LSAMP: variants seen among roughly 807,000 people sequenced by gnomAD.
LSAMP encodes the protein limbic system associated membrane protein.
Under a neutral mutation model 38.6 loss-of-function variants are expected in LSAMP, and 7 were observed. The observed-to-expected ratio is 0.18, with a 90% confidence interval of 0.10 to 0.34. The LOEUF is 0.34. LSAMP is among the 10% of genes least tolerant of loss of function. The pLI is 1.00. For synonymous variants in LSAMP, 154 were observed against 166.8 expected, an observed-to-expected ratio of 0.92 and a Z score of 0.59; for missense variants, 313 against 420.0, an observed-to-expected ratio of 0.75 and a Z score of 2.23.
chr3:116,281,016 G>GGAAA (rs2047120233), intron 1 of LSAMP, among the ~76,000 whole-genome samples: 2 of 152,190 alleles, frequency 1.3e-5, no homozygotes, highest in South Asian at 4.1e-4. Context: ...GAGACAGGAA[G>GGAAA]GAAAGAGTGA....
At chr3:116,337,434 C>A (rs2047934520) in intron 1 of LSAMP, among the ~76,000 whole-genome samples, 1 of 151,946 alleles carries the variant, frequency 6.6e-6, no homozygotes, top group Non-Finnish European at 1.5e-5. Context: ...CCATCTAGTG[C>A]TAGGAAAATT....
chr3:116,280,131 TAC>T (rs1186148243), intron 1 of LSAMP, among the ~76,000 whole-genome samples: 1 of 152,196 alleles, frequency 6.6e-6, no homozygotes, highest in Non-Finnish European at 1.5e-5. Flanking sequence ...CAGAAACATT[TAC>T]ACCATGAAGA....
chr3:116,317,361 T>C (rs984819229), intron 1 of LSAMP, among the ~76,000 whole-genome samples: 9 of 150,874 alleles, frequency 6.0e-5, no homozygotes, highest in Non-Finnish European at 8.9e-5. Context: ...TCTTTCTTTT[T>C]TTTTTTTTTT....
At chr3:115,953,895 T>A (rs1938372624) in intron 3 of LSAMP, among the ~76,000 whole-genome samples, 1 of 152,186 alleles carries the variant, frequency 6.6e-6, no homozygotes, top group South Asian at 2.1e-4. Context: ...GTTCTTTCCC[T>A]GGTTGGTTGG....
Position 116,119,497 on chromosome 3 carries a change from A to G in LSAMP, c.156-32941T>C, listed in dbSNP as rs193025387. Among the ~76,000 whole-genome samples, 8 of 152,270 alleles carry G rather than the reference A, an allele frequency of 5.3e-5. No homozygotes were observed. In the East Asian group the frequency reaches 1.5e-3, roughly 29 times the overall value. On this transcript the variant is annotated intron_variant, in intron 1 of 6. Coordinates refer to ENST00000490035, the MANE Select transcript of LSAMP (RefSeq NM_002338.5). ...AAGAGAAAATTATCATAAGAAAGAT[A>G]AAATAAAACAAATACTGGGGTTAGT...
chr3:116,339,754 G>A (rs957333848), intron 1 of LSAMP, among the ~76,000 whole-genome samples: 6 of 152,000 alleles, frequency 3.9e-5, no homozygotes, highest in Non-Finnish European at 5.9e-5. Context: ...ACATGAAGAC[G>A]TCACTGTAAG....
chr3:116,323,302 T>C (rs905290633), intron 1 of LSAMP, among the ~76,000 whole-genome samples: 23 of 152,126 alleles, frequency 1.5e-4, no homozygotes, highest in African/African-American at 5.1e-4. Flanking sequence ...CATACCTTTT[T>C]TTTCCCCCAA....
At chr3:116,088,244 C>A (rs993457926) in intron 1 of LSAMP, among the ~76,000 whole-genome samples, 1 of 152,064 alleles carries the variant, frequency 6.6e-6, no homozygotes, top group Non-Finnish European at 1.5e-5. Flanking sequence ...TTCTTCTTTA[C>A]CTATTTGTTT....
chr3:116,252,455 T>C (rs986787982), intron 1 of LSAMP, among the ~76,000 whole-genome samples: 1 of 152,176 alleles, frequency 6.6e-6, no homozygotes, highest in Non-Finnish European at 1.5e-5. Flanking sequence ...GACAGATGCT[T>C]ATCCAGTCTT....
At chr3:115,902,133 T>C (rs1247392035) in intron 3 of LSAMP, among the ~76,000 whole-genome samples, 1 of 152,108 alleles carries the variant, frequency 6.6e-6, no homozygotes, top group Non-Finnish European at 1.5e-5. Flanking sequence ...TCTATAACAT[T>C]AAGTGTTTAT....
intron 3 of LSAMP, among the ~76,000 whole-genome samples, chr3:115,896,424 G>A (rs1936730334): frequency 6.6e-6 from 1 of 151,988 alleles, no homozygotes; most frequent in South Asian, 2.1e-4. Context: ...AGTTGAGTGA[G>A]GTGTAATATA....
At chr3:116,095,290 G>A (rs993798317) in intron 1 of LSAMP, among the ~76,000 whole-genome samples, 3 of 152,186 alleles carry the variant, frequency 2.0e-5, no homozygotes, top group African/African-American at 7.2e-5. Context: ...ACCCAGACAA[G>A]CTGCGCAATT....
At chr3:115,945,584 A>G (rs1938068968) in intron 3 of LSAMP, among the ~76,000 whole-genome samples, 1 of 152,102 alleles carries the variant, frequency 6.6e-6, no homozygotes, top group African/African-American at 2.4e-5. Flanking sequence ...TATTCTTTTC[A>G]CTACATCATG....
intron 2 of LSAMP, among the ~76,000 whole-genome samples, chr3:116,055,088 T>C (rs1324507009): frequency 6.6e-6 from 1 of 152,190 alleles, no homozygotes; most frequent in Non-Finnish European, 1.5e-5. Flanking sequence ...TGTCCCTGAT[T>C]TGCTGTGCAA....
At chr3:115,811,424 A>C (rs1424297932) in intron 6 of LSAMP, among the ~76,000 whole-genome samples, 1 of 152,122 alleles carries the variant, frequency 6.6e-6, no homozygotes, top group Non-Finnish European at 1.5e-5. Context: ...AAAGTGAAAA[A>C]ATAGTATTTT....
chr3:116,044,750 A>C (rs766589081), intron 2 of LSAMP, among the ~76,000 whole-genome samples: 3 of 152,216 alleles, frequency 2.0e-5, no homozygotes, highest in Non-Finnish European at 2.9e-5. Flanking sequence ...CCAGCTGGCC[A>C]GACCTCCAAG....
At chr3:116,192,174 A>G (rs1249234518) in intron 1 of LSAMP, among the ~76,000 whole-genome samples, 1 of 152,244 alleles carries the variant, frequency 6.6e-6, no homozygotes, top group Non-Finnish European at 1.5e-5. Context: ...TGTATTGGAT[A>G]TTAATACAAC....
chr3:115,938,695 C>T (rs987709723), intron 3 of LSAMP, among the ~76,000 whole-genome samples: 6 of 152,050 alleles, frequency 3.9e-5, no homozygotes, highest in Non-Finnish European at 5.9e-5. Flanking sequence ...ACAAATTAAA[C>T]AAAATCTTTT....
intron 3 of LSAMP, among the ~76,000 whole-genome samples, chr3:115,973,230 A>T: frequency 6.6e-6 from 1 of 152,204 alleles, no homozygotes; most frequent in East Asian, 1.9e-4. Flanking sequence ...TAGAAAGATT[A>T]ATTTGGCAGC....
Sources: allele counts gnomAD v4.1 joint callset (sites outside exome capture counted in the v4.1 genomes callset), GRCh38; gene constraint gnomAD v4.1.1; transcripts MANE v1.5; gene names NCBI Gene and HGNC (gene_info 2026-07-23, HGNC 2026-07-21).